The following DCC variants were observed in gnomAD, a reference collection of about 807,000 sequenced individuals.
The protein encoded by DCC is DCC netrin 1 receptor.
Under a neutral mutation model 172.5 loss-of-function variants are expected in DCC, and 58 were observed. That is an observed-to-expected ratio of 0.34 (90% confidence interval 0.27 to 0.42). The LOEUF (loss-of-function observed/expected upper bound fraction) is 0.42, where lower values mean the gene tolerates loss of function less well. Ranked by LOEUF, DCC falls within the 10% of genes least tolerant of loss-of-function variation. DCC has a pLI of 1.00. For missense variants in DCC, 1,740 were observed against 1,791.0 expected, an observed-to-expected ratio of 0.97 and a Z score of 0.51; for synonymous variants, 709 against 644.5, an observed-to-expected ratio of 1.10 and a Z score of -1.52.
chr18:53,205,509 T>G, intron 10 of DCC, 145 bp downstream of exon 10: 1 of 814,176 alleles, frequency 1.2e-6, no homozygotes. Flanking sequence ...CTGATTAGTT[T>G]TAAAGCACTT....
At chr18:53,411,807 C>T (rs1910006229) in intron 20 of DCC, among the ~76,000 whole-genome samples, 1 of 152,080 alleles carries the variant, frequency 6.6e-6, no homozygotes, top group African/African-American at 2.4e-5. Context: ...TCTTTGTCAT[C>T]TAAATTTTGA....
chr18:52,346,462 C>T (rs1429668070), intron 1 of DCC, among the ~76,000 whole-genome samples: 5 of 152,112 alleles, frequency 3.3e-5, no homozygotes. Context: ...CAAATTTTAG[C>T]CTGAGGTTTA....
At chr18:52,666,055 T>C (rs2035454228) in intron 1 of DCC, among the ~76,000 whole-genome samples, 2 of 152,118 alleles carry the variant, frequency 1.3e-5, no homozygotes, top group Admixed American at 6.6e-5. Flanking sequence ...TTGAGAGACC[T>C]AGGCAGGCAG....
intron 1 of DCC, among the ~76,000 whole-genome samples, chr18:52,555,177 T>C (rs769082483): frequency 1.3e-5 from 2 of 152,068 alleles, no homozygotes; most frequent in Non-Finnish European, 2.9e-5. Context: ...TAATAGGTTT[T>C]GACAAAGAAA....
chr18:53,446,124 A>AAAAAAAAACAAAAAAC (rs369426007), intron 22 of DCC, among the ~76,000 whole-genome samples: 1 of 117,174 alleles, frequency 8.5e-6, no homozygotes, highest in Non-Finnish European at 1.8e-5. Flanking sequence ...ACAAAAAAAA[A>AAAAAAAAACAAAAAAC]CACTTAAAAA....
At chr18:53,300,068 G>T (rs557520844) in intron 12 of DCC, among the ~76,000 whole-genome samples, 1 of 152,148 alleles carries the variant, frequency 6.6e-6, no homozygotes, top group Admixed American at 6.5e-5. Flanking sequence ...ATCTCAGTGC[G>T]ATAGTATTTT....
intron 2 of DCC, among the ~76,000 whole-genome samples, chr18:52,784,966 A>AT (rs1220178691): frequency 1.3e-5 from 2 of 151,546 alleles, no homozygotes; most frequent in East Asian, 2.0e-4. Flanking sequence ...AGAGAGAGAC[A>AT]TGTCCAAAAA....
At chr18:52,833,323 G>A (rs113489625) in intron 2 of DCC, among the ~76,000 whole-genome samples, 1 of 152,090 alleles carries the variant, frequency 6.6e-6, no homozygotes, top group African/African-American at 2.4e-5. Flanking sequence ...CCTGGAGTTT[G>A]ATTTGTAGCC....
chr18:52,357,749 A>G (rs1240652228), intron 1 of DCC, among the ~76,000 whole-genome samples: 1 of 152,006 alleles, frequency 6.6e-6, no homozygotes. Flanking sequence ...ATCCTGGCTA[A>G]CACGGTGAAA....
At chr18:52,686,352 A>G (rs1372830704) in intron 1 of DCC, among the ~76,000 whole-genome samples, 1 of 152,156 alleles carries the variant, frequency 6.6e-6, no homozygotes, top group Non-Finnish European at 1.5e-5. Context: ...ACAGAACTCT[A>G]CATGACTGGC....
At chr18:52,698,706 C>T (rs185036804) in intron 1 of DCC, among the ~76,000 whole-genome samples, 1 of 152,034 alleles carries the variant, frequency 6.6e-6, no homozygotes, top group East Asian at 1.9e-4. Context: ...TCAAGCAATT[C>T]TCCTGCCTCA....
At chr18:53,292,530 T>C (rs1200027467) in intron 12 of DCC, among the ~76,000 whole-genome samples, 1 of 151,948 alleles carries the variant, frequency 6.6e-6, no homozygotes, top group Non-Finnish European at 1.5e-5. Context: ...CCACTAAACA[T>C]ACAAAAAATT....
chr18:53,101,392 A>G (rs1450416079), intron 7 of DCC, among the ~76,000 whole-genome samples: 2 of 152,084 alleles, frequency 1.3e-5, no homozygotes, highest in Non-Finnish European at 2.9e-5. Context: ...GAAATATTTC[A>G]TGGGCTGAAA....
chr18:52,742,006 A>G (rs1172739463), intron 1 of DCC, among the ~76,000 whole-genome samples: 1 of 152,152 alleles, frequency 6.6e-6, no homozygotes, highest in African/African-American at 2.4e-5. Context: ...CTATAAGAAG[A>G]AGAAGAGACA....
chr18:53,334,730 C>T (rs968765064), intron 14 of DCC, among the ~76,000 whole-genome samples: 2 of 152,190 alleles, frequency 1.3e-5, no homozygotes, highest in African/African-American at 4.8e-5. Context: ...ATTGCCAAGG[C>T]TCCTGCATCT....
intron 7 of DCC, among the ~76,000 whole-genome samples, chr18:53,130,004 A>G (rs1288602792): frequency 1.3e-5 from 2 of 152,112 alleles, no homozygotes; most frequent in African/African-American, 4.8e-5. Flanking sequence ...CTTCATCAAT[A>G]TTTAGTGTTG....
At chr18:53,517,456 A>ATAATAATAT (rs1555682034) in intron 27 of DCC, among the ~76,000 whole-genome samples, 421 of 147,536 alleles carry the variant, frequency 2.9e-3, no homozygotes, top group Admixed American at 4.4e-3. Context: ...AATAATAATA[A>ATAATAATAT]TAATAATAAT....
chr18:52,679,535 C>A (rs1312734511), intron 1 of DCC, among the ~76,000 whole-genome samples: 1 of 152,090 alleles, frequency 6.6e-6, no homozygotes, highest in Non-Finnish European at 1.5e-5. Flanking sequence ...TAACAGGACA[C>A]TATGAGGTAA....
chr18:52,652,818 C>T (rs151269574), intron 1 of DCC, among the ~76,000 whole-genome samples: 127 of 151,028 alleles, frequency 8.4e-4, no homozygotes, highest in Non-Finnish European at 1.4e-3. Context: ...TCTTTCTTGC[C>T]TTCATCAGGG....
Sources: allele counts gnomAD v4.1 joint callset (sites outside exome capture counted in the v4.1 genomes callset), GRCh38; gene constraint gnomAD v4.1.1; transcripts MANE v1.5; gene names NCBI Gene and HGNC (gene_info 2026-07-23, HGNC 2026-07-21).